The following ASAP1 variants were observed in gnomAD, a reference collection of about 807,000 sequenced individuals.
ASAP1 encodes ArfGAP with SH3 domain, ankyrin repeat and PH domain 1.
In ASAP1, 43 loss-of-function variants were observed where a neutral mutation model predicts 145.2. The observed-to-expected ratio is 0.30, with a 90% confidence interval of 0.23 to 0.38. The LOEUF (loss-of-function observed/expected upper bound fraction) is 0.38. Among genes scored for constraint, ASAP1 ranks in the 10% least tolerant of loss-of-function variants. ASAP1 has a pLI of 1.00. For synonymous variants in ASAP1, 546 were observed against 515.5 expected (o/e 1.06, Z -0.80); for missense variants, 1,018 against 1,355.3 (o/e 0.75, Z 3.91).
At chr8:130,055,874 G>C (rs749280226) in intron 29 of ASAP1, among the ~76,000 whole-genome samples, 4 of 152,186 alleles carry the variant, frequency 2.6e-5, no homozygotes, top group African/African-American at 9.7e-5. Context: ...CACCCACCGC[G>C]TGTGGTCTTA....
intron 1 of ASAP1, among the ~76,000 whole-genome samples, chr8:130,409,257 G>A (rs1211311178): frequency 7.6e-6 from 1 of 131,672 alleles, no homozygotes; most frequent in Non-Finnish European, 1.6e-5. Flanking sequence ...GTGAGACGGT[G>A]TCTCAAAAAA....
chr8:130,279,485 G>C (rs1821126665), intron 3 of ASAP1, among the ~76,000 whole-genome samples: 1 of 152,136 alleles, frequency 6.6e-6, no homozygotes, highest in African/African-American at 2.4e-5. Flanking sequence ...AAATGGAGTG[G>C]GGGGAATGCA....
rs75927318 is a variant in ASAP1, at chr8:130,133,452, C to A, written c.1217+844G>T. Among the ~76,000 whole-genome samples, 1,323 of 151,674 alleles carry A rather than the reference C, an allele frequency of 8.7e-3. 11 individuals carry two copies. The highest frequency in any genetic ancestry group is 0.014 in the Non-Finnish European group (923 of 67,890). On this transcript the variant is annotated intron_variant, in intron 15 of 29. Transcript: ENST00000518721. ...CGGGTGGATCATGAGGTCAGGAGAT[C>A]GAGACCATCCTGGCTAACAAGGTGA...
At chr8:130,098,608 A>C (rs1307896423) in intron 24 of ASAP1, among the ~76,000 whole-genome samples, 1 of 152,178 alleles carries the variant, frequency 6.6e-6, no homozygotes, top group Non-Finnish European at 1.5e-5. Flanking sequence ...TCGGCCTCCC[A>C]AAGTGCCGAG....
At chr8:130,302,338 GGT>G (rs1437166774) in intron 3 of ASAP1, among the ~76,000 whole-genome samples, 1 of 152,220 alleles carries the variant, frequency 6.6e-6, no homozygotes, top group Non-Finnish European at 1.5e-5. Flanking sequence ...GTGTACTGGA[GGT>G]TAAGGGGCTC....
intron 27 of ASAP1, among the ~76,000 whole-genome samples, chr8:130,061,696 C>A (rs553579427): frequency 1.3e-5 from 2 of 152,150 alleles, no homozygotes; most frequent in Non-Finnish European, 2.9e-5. Flanking sequence ...GTGATACACA[C>A]GCGTGTGCTA....
At chr8:130,131,687 G>A (rs985803565) in intron 15 of ASAP1, among the ~76,000 whole-genome samples, 1 of 151,304 alleles carries the variant, frequency 6.6e-6, no homozygotes, top group Non-Finnish European at 1.5e-5. Flanking sequence ...CTACTTGCAA[G>A]GCTGCGACAG....
In ASAP1 at chr8:130,358,089, G is replaced by T; in HGVS notation, c.114C>A (p.Tyr38Ter). ...TGAAGCTGGACGTGGTGGGCGAGTT[G>T]TAGTCCTCGGTGGTCTCGGCGATGA... ...SEFIAETTED[Y>*]NSPTTSSFTT... Residue 38 changes from tyrosine (Y) to a stop codon, truncating the protein, a stop_gained, in exon 3 of 30, where the codon TAC (tyrosine) becomes TAA (stop). Coordinates refer to ENST00000518721, the MANE Select transcript of ASAP1 (RefSeq NM_018482.4). LOFTEE classifies it high-confidence loss of function. This position sits in a 1 kb window ranked among gnomAD's most constrained non-coding sequence, Gnocchi z 4.1. The T allele has an allele frequency of 6.2e-7, 1 of 1,610,644 alleles. No homozygotes were observed. The highest frequency in any genetic ancestry group is 8.5e-7 in the Non-Finnish European group (1 of 1,178,908).
chr8:130,063,050 T>C (rs1474436190), intron 27 of ASAP1, among the ~76,000 whole-genome samples: 1 of 152,188 alleles, frequency 6.6e-6, no homozygotes, highest in Non-Finnish European at 1.5e-5. Context: ...AAAAATGTTT[T>C]TATTATGTGA....
chr8:130,270,541 C>G (rs1286529165), intron 3 of ASAP1, among the ~76,000 whole-genome samples: 1 of 152,196 alleles, frequency 6.6e-6, no homozygotes, highest in Non-Finnish European at 1.5e-5. Flanking sequence ...TCATTTTGCT[C>G]ATATTTTGCT....
At chr8:130,318,034 T>C (rs979437798) in intron 3 of ASAP1, among the ~76,000 whole-genome samples, 3 of 152,322 alleles carry the variant, frequency 2.0e-5, no homozygotes, top group East Asian at 3.9e-4. Flanking sequence ...TAGAGAGTTT[T>C]TATGACAAGA....
intron 3 of ASAP1, among the ~76,000 whole-genome samples, chr8:130,307,316 A>G (rs1823053864): frequency 6.6e-6 from 1 of 152,106 alleles, no homozygotes; most frequent in South Asian, 2.1e-4. Context: ...AGGAAATAAT[A>G]TTTAACTATA....
At chr8:130,280,789 C>T (rs80053904) in intron 3 of ASAP1, among the ~76,000 whole-genome samples, 13 of 152,236 alleles carry the variant, frequency 8.5e-5, no homozygotes, top group African/African-American at 3.1e-4. Context: ...GAATTTAACA[C>T]TTCAGTTTTT....
chr8:130,085,259 T>G (rs1246496014), intron 25 of ASAP1, among the ~76,000 whole-genome samples: 1 of 152,190 alleles, frequency 6.6e-6, no homozygotes, highest in Non-Finnish European at 1.5e-5. Flanking sequence ...TGTAAGAATC[T>G]TAGGGTCAAA....
intron 24 of ASAP1, among the ~76,000 whole-genome samples, chr8:130,109,937 GGATTTCTATTTTCAA>G (rs1305898280): frequency 3.3e-5 from 5 of 152,154 alleles, no homozygotes; most frequent in Admixed American, 1.3e-4. Flanking sequence ...TTTGTAGGGA[GGATTTCTATTTTCAA>G]TTATGGGCTT....
chr8:130,372,818 C>G (rs1827273163), intron 2 of ASAP1, among the ~76,000 whole-genome samples: 1 of 152,180 alleles, frequency 6.6e-6, no homozygotes. Flanking sequence ...ACAGTCCTTT[C>G]TCCAGGACTT....
chr8:130,373,182 GAA>G (rs796141516), intron 2 of ASAP1, among the ~76,000 whole-genome samples: 2 of 122,632 alleles, frequency 1.6e-5, no homozygotes, highest in African/African-American at 5.7e-5. Context: ...ACAAGAGCCA[GAA>G]AAAAAAAAAA....
intron 2 of ASAP1, among the ~76,000 whole-genome samples, chr8:130,375,187 A>T (rs1035181963): frequency 2.0e-5 from 3 of 152,084 alleles, no homozygotes; most frequent in African/African-American, 4.8e-5. Flanking sequence ...GGGATGGTTT[A>T]TGGTTATTGT....
chr8:130,100,619 A>G (rs979255106), intron 24 of ASAP1, among the ~76,000 whole-genome samples: 1 of 152,128 alleles, frequency 6.6e-6, no homozygotes, highest in Non-Finnish European at 1.5e-5. Flanking sequence ...ATGAACCACC[A>G]CACCCGGCCT....
Sources: gnomAD v4.1 joint callset for allele counts (sites outside exome capture counted in the v4.1 genomes callset) on GRCh38, gnomAD v4.1.1 for gene constraint, Gnocchi (gnomAD v3.1) non-coding constraint, MANE v1.5 for transcripts, NCBI Gene and HGNC (gene_info 2026-07-23, HGNC 2026-07-21) for gene names.